The following GNG7 variants were observed in gnomAD, a reference collection of about 807,000 sequenced individuals.
GNG7 encodes the protein guanine nucleotide-binding protein G(I)/G(S)/G(O) subunit gamma-7.
In GNG7, 1 loss-of-function variant was observed where a neutral mutation model predicts 4.0. The ratio of observed to expected loss-of-function variants is 0.25; its 90% confidence interval spans 0.09 to 1.18. The LOEUF is 1.18. Ranked by LOEUF, GNG7 falls within the 50% of genes most tolerant of loss-of-function variation. The pLI, the probability that GNG7 is intolerant of heterozygous loss-of-function variation, is 0.50. For missense variants in GNG7, 86 were observed against 91.9 expected (o/e 0.94, Z 0.26); for synonymous variants, 34 against 36.9 (o/e 0.92, Z 0.29).
At chr19:2,595,809 T>C (rs1254810960) in intron 2 of GNG7, among the ~76,000 whole-genome samples, 1 of 151,664 alleles carries the variant, frequency 6.6e-6, no homozygotes, top group Admixed American at 6.6e-5. Context: ...ATGCACTCCA[T>C]ATGGCTGTAC....
rs56064339 is a variant in GNG7 at position 2,653,769 on chromosome 19, A to T, written c.-134-7489T>A. Among the ~76,000 whole-genome samples the T allele has an allele frequency of 6.6e-6, 1 of 152,096 alleles. No individual in the cohort carries two copies. Among genetic ancestry groups the T allele is most frequent in the African/African-American group, 2.4e-5 (1 of 41,400 alleles). On this transcript the variant is annotated intron_variant, in intron 1 of 4. Coordinates refer to ENST00000382159, the MANE Select transcript of GNG7 (RefSeq NM_052847.3). This position sits in a 1 kb window ranked among gnomAD's most constrained non-coding sequence, Gnocchi z 4.8. ...CTGTCCTCATCCTTATGGGATCTTC[A>T]GATGGTGCCCTTGAGGCCCAGGGCC...
At chr19:2,651,013 T>G (rs1024378297) in intron 1 of GNG7, among the ~76,000 whole-genome samples, 14 of 152,110 alleles carry the variant, frequency 9.2e-5, no homozygotes, top group South Asian at 2.1e-4. Context: ...CAGCTGGCCC[T>G]TCCACCCAGC....
rs941832291 is a variant in GNG7 at position 2,652,525 on chromosome 19, A to G, written c.-134-6245T>C. On this transcript the variant is annotated intron_variant, in intron 1 of 4. Coordinates refer to ENST00000382159, the MANE Select transcript of GNG7 (RefSeq NM_052847.3). ...TCCCAGCTACTCAGGAGGCTGAGGC[A>G]GGAGAATCGCTTGAACCCGAGAGGC... Among the ~76,000 whole-genome samples the G allele has an allele frequency of 5.9e-5, 9 of 151,946 alleles. No homozygotes were observed. In the South Asian group the frequency reaches 1.0e-3, roughly 18 times the overall value.
chr19:2,669,997 G>C (rs564090971), intron 1 of GNG7, among the ~76,000 whole-genome samples: 1 of 146,476 alleles, frequency 6.8e-6, no homozygotes, highest in Non-Finnish European at 1.5e-5. Context: ...GTGACAGAGC[G>C]AGACTCTGTC....
At chr19:2,578,676 C>CCTT (rs1397146789) in intron 2 of GNG7, among the ~76,000 whole-genome samples, 1 of 152,236 alleles carries the variant, frequency 6.6e-6, no homozygotes, top group Non-Finnish European at 1.5e-5. Flanking sequence ...GGGGCTGGAT[C>CCTT]CTTCTCTCTG....
chr19:2,560,973 A>AT (rs1190627305), intron 2 of GNG7, among the ~76,000 whole-genome samples: 9 of 139,240 alleles, frequency 6.5e-5, no homozygotes, highest in Admixed American at 3.6e-4. Flanking sequence ...AAAAAAAAAA[A>AT]TTATTTGGGA....
chr19:2,563,993 G>A (rs1401857796), intron 2 of GNG7, among the ~76,000 whole-genome samples: 2 of 152,136 alleles, frequency 1.3e-5, no homozygotes, highest in African/African-American at 2.4e-5. Flanking sequence ...TGGGGTGGGA[G>A]AAACAGCAGG....
At chr19:2,671,488 C>G (rs1381350629) in intron 1 of GNG7, among the ~76,000 whole-genome samples, 2 of 152,122 alleles carry the variant, frequency 1.3e-5, no homozygotes, top group African/African-American at 4.8e-5. Context: ...CAGCTTCAGC[C>G]GCCTCCCCGA....
intron 2 of GNG7, among the ~76,000 whole-genome samples, chr19:2,602,924 T>TCTTTCTTTC (rs1450606817): frequency 1.9e-4 from 29 of 150,336 alleles, no homozygotes; most frequent in Non-Finnish European, 3.7e-4. Context: ...TTTCTTTCTT[T>TCTTTCTTTC]TTGTTTCTTC....
intron 1 of GNG7, among the ~76,000 whole-genome samples, chr19:2,650,608 C>T (rs929977780): frequency 6.6e-6 from 1 of 152,206 alleles, no homozygotes; most frequent in Non-Finnish European, 1.5e-5. Flanking sequence ...GTGAGGCGAT[C>T]CCTGCGGATG....
chr19:2,578,248 G>A (rs530341993), intron 2 of GNG7, among the ~76,000 whole-genome samples: 28 of 152,236 alleles, frequency 1.8e-4, no homozygotes, highest in African/African-American at 3.1e-4. Flanking sequence ...CACAGGTAGC[G>A]TAGGCAGAGC....
At chr19:2,523,080 T>C (rs953147573) in intron 3 of GNG7, among the ~76,000 whole-genome samples, 6 of 151,606 alleles carry the variant, frequency 4.0e-5, no homozygotes, top group Admixed American at 1.3e-4. Context: ...TTGGCCAGGC[T>C]GGTCTCAAAC....
At chr19:2,695,359 C>G (rs772023439) in intron 1 of GNG7, among the ~76,000 whole-genome samples, 148 of 152,310 alleles carry the variant, frequency 9.7e-4, no homozygotes, top group Non-Finnish European at 1.6e-3. Context: ...GCCCCCACCT[C>G]TGTGCCACCC....
rs373241402 is a variant in GNG7 at position 2,698,333 on chromosome 19, G to A, written c.-135+4313C>T. On this transcript the variant is annotated intron_variant, in intron 1 of 4. Coordinates refer to ENST00000382159, the MANE Select transcript of GNG7 (RefSeq NM_052847.3). ...AATCCCAACACTTTGGGAGGCCGAG[G>A]TAGGTGGATCACCTGAGGTCAGGAG... Among the ~76,000 whole-genome samples, 340 of 152,160 alleles carry A rather than the reference G, an allele frequency of 2.2e-3. 2 individuals are homozygous for A. Among genetic ancestry groups the A allele is most frequent in the Middle Eastern group, 0.017 (5 of 294 alleles).
intron 2 of GNG7, 125 bp from the exon 3 acceptor site, chr19:2,555,313 G>A (rs1164774223): frequency 6.6e-6 from 1 of 151,662 alleles, no homozygotes; most frequent in Non-Finnish European, 1.5e-5. Flanking sequence ...ATGAGGCATG[G>A]GAATTCGAAA....
chr19:2,525,052 G>A lies in GNG7; in HGVS notation c.-37-4327C>T, dbSNP rs55657148. On this transcript the variant is annotated intron_variant, in intron 3 of 4. Coordinates refer to ENST00000382159, the MANE Select transcript of GNG7 (RefSeq NM_052847.3). ...CCGGCACTGACTCAGGAGCAGCCAT[G>A]CCCCCAGCAGAGGACTAAGCCAACA... Among the ~76,000 whole-genome samples, 1,437 of 152,272 alleles carry A rather than the reference G, an allele frequency of 9.4e-3. 22 individuals carry two copies. Among genetic ancestry groups the A allele is most frequent in the African/African-American group, 0.033 (1,390 of 41,572 alleles).
chr19:2,657,303 C>T (rs541921288), intron 1 of GNG7, among the ~76,000 whole-genome samples: 3 of 131,026 alleles, frequency 2.3e-5, no homozygotes, highest in African/African-American at 9.1e-5. Flanking sequence ...CACTGCACTT[C>T]ACCCTGGGTG....
At position 2,623,471 on chromosome 19, in the gene GNG7, T is replaced by C. The variant is rs116060682; in HGVS notation, c.-78+22753A>G. On this transcript the variant is annotated intron_variant, in intron 2 of 4. Transcript: ENST00000382159. ...TCAACAGATGGACAGATAAACAGCA[T>C]GGTGCATCTGTATGATGGAATATTA... Among the ~76,000 whole-genome samples the C allele has an allele frequency of 9.1e-3, 1,387 of 152,234 alleles. 23 individuals carry two copies. The highest frequency in any genetic ancestry group is 0.031 in the African/African-American group (1,304 of 41,522).
chr19:2,682,667 AAAAAAAAAAAAAAG>A (rs1379071573), intron 1 of GNG7, among the ~76,000 whole-genome samples: 1 of 145,394 alleles, frequency 6.9e-6, no homozygotes, highest in African/African-American at 2.7e-5. Context: ...AAAAAAAAAA[AAAAAAAAAAAAAAG>A]AAGAGCTACA....
Sources: gnomAD v4.1 joint callset for allele counts (sites outside exome capture counted in the v4.1 genomes callset) on GRCh38, gnomAD v4.1.1 for gene constraint, Gnocchi (gnomAD v3.1) non-coding constraint, MANE v1.5 for transcripts, NCBI Gene and HGNC (gene_info 2026-07-23, HGNC 2026-07-21) for gene names.